The following PLEKHA1 variants were observed in gnomAD, a reference collection of about 807,000 sequenced individuals.
PLEKHA1 encodes pleckstrin homology domain-containing family A member 1.
Under a neutral mutation model 52.0 loss-of-function variants are expected in PLEKHA1, and 34 were observed. The observed-to-expected ratio is 0.65, with a 90% CI of 0.50 to 0.87. The LOEUF (loss-of-function observed/expected upper bound fraction) is 0.87. PLEKHA1 is among the 40% of genes least tolerant of loss of function. The pLI is 0.00. For missense variants in PLEKHA1, 497 were observed against 504.2 expected (o/e 0.99, Z 0.14); for synonymous variants, 163 against 170.7 (o/e 0.95, Z 0.35).
At chr10:122,397,641 A>C (rs2096869401) in intron 2 of PLEKHA1, among the ~76,000 whole-genome samples, 1 of 152,036 alleles carries the variant, frequency 6.6e-6, no homozygotes, top group Admixed American at 6.6e-5. Flanking sequence ...ATGGCTTTTT[A>C]AGCTCATGAG....
At position 122,431,489 on chromosome 10, in the gene PLEKHA1, T is replaced by G. The variant is rs2097416703; in HGVS notation, c.*1551T>G. ...GAAAACAGTCTTGAATTTCACATGC[T>G]GCTATTTTTATATTTTGCCATTTTA... On this transcript the variant is annotated 3_prime_UTR_variant, in exon 12 of 12. Coordinates refer to ENST00000368990, the MANE Select transcript of PLEKHA1 (RefSeq NM_001001974.4). 6.6e-6 allele frequency: 1 copy of G among 152,652 alleles called. No homozygotes were observed. The highest frequency in any genetic ancestry group is 1.5e-5 in the Non-Finnish European group (1 of 68,032). The allele number at this position is 152,652 out of a possible 1,614,324, so 9.5% of individuals were successfully genotyped here.
At chr10:122,397,443 G>A (rs1323039842) in intron 2 of PLEKHA1, among the ~76,000 whole-genome samples, 1 of 151,912 alleles carries the variant, frequency 6.6e-6, no homozygotes, top group African/African-American at 2.4e-5. Context: ...AGATTAATAT[G>A]GCATAAAAAA....
At chr10:122,427,061 C>G (rs759152323) in intron 11 of PLEKHA1, 30 bp downstream of exon 11, 2 of 1,564,964 alleles carry the variant, frequency 1.3e-6, no homozygotes, top group Non-Finnish European at 1.8e-6. Flanking sequence ...GGGTGATACT[C>G]CCTTGCGTCT....
chr10:122,439,958 A>G, the PLEKHA1 span: 1 of 152,344 alleles, frequency 6.6e-6, no homozygotes, highest in East Asian at 1.9e-4. Flanking sequence ...TTTTAAATGT[A>G]TTTGCATGGA....
chr10:122,389,828 A>G (rs1344407465), intron 1 of PLEKHA1, among the ~76,000 whole-genome samples: 4 of 152,062 alleles, frequency 2.6e-5, no homozygotes, highest in African/African-American at 9.7e-5. Context: ...GGGCTCTAGG[A>G]TTTTTTTCGG....
Position 122,432,113 on chromosome 10 carries a change from A to G in PLEKHA1, c.*2175A>G, listed in dbSNP as rs892428732. The G allele has an allele frequency of 2.6e-5, 4 of 152,208 alleles. No individual in the cohort carries two copies. In the East Asian group the frequency reaches 5.8e-4, roughly 22 times the overall value. The allele number at this position is 152,208 out of a possible 1,614,324, so 9.4% of individuals were successfully genotyped here. On this transcript the variant is annotated 3_prime_UTR_variant, in exon 12 of 12. Coordinates refer to ENST00000368990, the MANE Select transcript of PLEKHA1 (RefSeq NM_001001974.4). The stretch of plus-strand genomic sequence containing the variant: ...TCAATTCTTTTATAAGTCTATGGAA[A>G]TTATTTAATTATTTTAAAACGTACA...
At chr10:122,420,113 C>G (rs1051733696) in intron 8 of PLEKHA1, 1 of 152,148 alleles carries the variant, frequency 6.6e-6, no homozygotes, top group Non-Finnish European at 1.5e-5. Context: ...ATGAAACATT[C>G]TTAAATACTG....
At chr10:122,411,574 T>A (rs577778943) in intron 5 of PLEKHA1, among the ~76,000 whole-genome samples, 2 of 152,318 alleles carry the variant, frequency 1.3e-5, no homozygotes, top group South Asian at 4.1e-4. Flanking sequence ...CAAAAATGTC[T>A]GGTGTTCTTG....
chr10:122,425,006 AATAAT>A, intron 10 of PLEKHA1, 47 bp downstream of exon 10: 1 of 1,502,230 alleles, frequency 6.7e-7, no homozygotes, highest in African/African-American at 1.4e-5. Context: ...AAAAGAAATT[AATAAT>A]ATTAGAGGTG....
At chr10:122,416,597 T>A (rs1185932605) in intron 7 of PLEKHA1, among the ~76,000 whole-genome samples, 1 of 152,224 alleles carries the variant, frequency 6.6e-6, no homozygotes, top group Non-Finnish European at 1.5e-5. Flanking sequence ...TAAAAGCTGT[T>A]ATGGGTTAGC....
chr10:122,379,148 T>G (rs981960212), intron 1 of PLEKHA1, among the ~76,000 whole-genome samples: 1 of 152,148 alleles, frequency 6.6e-6, no homozygotes, highest in African/African-American at 2.4e-5. Context: ...GCTAAACCTT[T>G]TCCAACCTAC....
intron 1 of PLEKHA1, among the ~76,000 whole-genome samples, chr10:122,382,110 G>A (rs191986203): frequency 1.1e-4 from 16 of 152,178 alleles, no homozygotes; most frequent in African/African-American, 2.4e-4. Flanking sequence ...AATTGTAATC[G>A]TTTCTTTTTT....
chr10:122,422,593 A>G (rs1170955995), intron 8 of PLEKHA1: 1 of 152,254 alleles, frequency 6.6e-6, no homozygotes, highest in African/African-American at 2.4e-5. Context: ...ACTGGCCTGC[A>G]CTTCTTTAAA....
Position 122,415,886 on chromosome 10 carries a change from AG to A in PLEKHA1, c.497del (p.Ser166IlefsTer7). On this transcript the variant is annotated frameshift_variant, in exon 7 of 12. Transcript: ENST00000368990. LOFTEE classifies it high-confidence loss of function. ...QKEEVNECGESIDRNNLKRSQ... is the reference protein window; with the variant it reads ...QKEEVNECGEXIDRNNLKRSQ... ...AGAAGAAGTAAATGAATGTGGTGAAAGTATTGACAGAAATAATCTGAAACGG... is the reference window on the plus strand; with the variant it reads ...AGAAGAAGTAAATGAATGTGGTGAAATATTGACAGAAATAATCTGAAACGG... 1 of 1,612,428 alleles carries A rather than the reference AG, an allele frequency of 6.2e-7. No individual in the cohort carries two copies. The highest frequency in any genetic ancestry group is 1.1e-5 in the South Asian group (1 of 90,960).
intron 6 of PLEKHA1, among the ~76,000 whole-genome samples, chr10:122,413,916 C>T (rs192883037): frequency 1.4e-4 from 22 of 152,060 alleles, no homozygotes; most frequent in African/African-American, 4.6e-4. Context: ...TGTATCATTC[C>T]CCACATTTTT....
Position 122,417,516 on chromosome 10 carries a change from A to G in PLEKHA1, c.613-384A>G, listed in dbSNP as rs2097195173. On this transcript the variant is annotated intron_variant, in intron 7 of 11. Transcript: ENST00000368990. ...ATACAAAAATTAGCTGGGCATAGTG[A>G]TGGGAGCCTGTAATCCCAGCTACTC... 1.3e-5 allele frequency among the ~76,000 whole-genome samples: 2 copies of G among 151,452 alleles called. 1 individual carries two copies. The highest frequency in any genetic ancestry group is 4.2e-4 in the South Asian group (2 of 4,772).
At chr10:122,388,797 T>G (rs1041768740) in intron 1 of PLEKHA1, among the ~76,000 whole-genome samples, 2 of 152,244 alleles carry the variant, frequency 1.3e-5, no homozygotes, top group African/African-American at 4.8e-5. Flanking sequence ...ATTAGGATAG[T>G]GGTTGCTGAA....
intron 4 of PLEKHA1, among the ~76,000 whole-genome samples, chr10:122,400,709 T>C (rs1424105976): frequency 1.3e-5 from 2 of 152,224 alleles, no homozygotes; most frequent in African/African-American, 4.8e-5. Context: ...TATTCTATAT[T>C]AAACATATAA....
chr10:122,431,207 A>G lies in PLEKHA1; in HGVS notation c.*1269A>G, dbSNP rs2097413665. On this transcript the variant is annotated 3_prime_UTR_variant, in exon 12 of 12. Coordinates refer to ENST00000368990, the MANE Select transcript of PLEKHA1 (RefSeq NM_001001974.4). ...GTGATCTCAGCTCACTACAGCCTCCACCTCGTGGGTTCAAACAGTTGTGCT... is the reference window on the plus strand; with the variant it reads ...GTGATCTCAGCTCACTACAGCCTCCGCCTCGTGGGTTCAAACAGTTGTGCT... 2.0e-5 allele frequency: 3 copies of G among 151,716 alleles called. No homozygotes were observed. The highest frequency in any genetic ancestry group is 2.9e-5 in the Non-Finnish European group (2 of 68,006). 9.4% of individuals were successfully genotyped at this position (151,716 alleles called of 1,614,324 possible). A position where few individuals can be genotyped will look rare whatever the true frequency, so the allele number is the denominator to read the frequency against.
Sources: gnomAD v4.1 joint callset for allele counts (sites outside exome capture counted in the v4.1 genomes callset) on GRCh38, gnomAD v4.1.1 for gene constraint, MANE v1.5 for transcripts, NCBI Gene and HGNC (gene_info 2026-07-23, HGNC 2026-07-21) for gene names.